The following FHIT variants were observed in gnomAD, a reference collection of about 807,000 sequenced individuals.
FHIT encodes bis(5'-adenosyl)-triphosphatase.
In FHIT, 19 loss-of-function variants were observed where a neutral mutation model predicts 17.9. The ratio of observed to expected loss-of-function variants is 1.06; its 90% CI spans 0.74 to 1.56. The LOEUF is 1.56. Ranked by LOEUF, FHIT falls within the 40% of genes most tolerant of loss-of-function variation. The pLI is 0.00. For missense variants in FHIT, 248 were observed against 189.2 expected (o/e 1.31, Z -1.82); for synonymous variants, 81 against 69.7 (o/e 1.16, Z -0.81).
chr3:59,763,995 A>C (rs1701664781), intron 8 of FHIT, among the ~76,000 whole-genome samples: 1 of 152,200 alleles, frequency 6.6e-6, no homozygotes, highest in Admixed American at 6.5e-5. Context: ...ACTATTAAAC[A>C]GGCAAAGCTG....
At chr3:60,196,833 A>C (rs1205938308) in intron 5 of FHIT, among the ~76,000 whole-genome samples, 1 of 152,030 alleles carries the variant, frequency 6.6e-6, no homozygotes, top group Non-Finnish European at 1.5e-5. Context: ...ATTTGTAAAA[A>C]AAAAAATCAA....
chr3:60,757,547 G>T (rs1699480855), intron 4 of FHIT, among the ~76,000 whole-genome samples: 1 of 152,202 alleles, frequency 6.6e-6, no homozygotes, highest in Non-Finnish European at 1.5e-5. Flanking sequence ...GGGTGCTGCA[G>T]GCAGAGAGAT....
chr3:59,917,554 T>G (rs1705191345), intron 8 of FHIT, among the ~76,000 whole-genome samples: 1 of 152,182 alleles, frequency 6.6e-6, no homozygotes, highest in Non-Finnish European at 1.5e-5. Context: ...AAGGGCCCAT[T>G]GAGTTCAGGG....
At chr3:59,944,382 T>C (rs1575739730) in intron 7 of FHIT, among the ~76,000 whole-genome samples, 1 of 152,184 alleles carries the variant, frequency 6.6e-6, no homozygotes. Context: ...GGGGAGGCAC[T>C]CCTGTTCCTT....
intron 8 of FHIT, among the ~76,000 whole-genome samples, chr3:59,795,501 TTG>T (rs1214538137): frequency 6.6e-6 from 1 of 152,012 alleles, no homozygotes; most frequent in African/African-American, 2.4e-5. Context: ...GTAAGTTTAA[TTG>T]TGTGATAAGG....
intron 5 of FHIT, among the ~76,000 whole-genome samples, chr3:60,179,955 C>G (rs1701851161): frequency 1.3e-5 from 2 of 152,150 alleles, no homozygotes; most frequent in South Asian, 4.1e-4. Flanking sequence ...ATTCTAAATT[C>G]TCTGAGGAAT....
intron 4 of FHIT, among the ~76,000 whole-genome samples, chr3:60,671,985 T>G (rs2040516746): frequency 6.6e-6 from 1 of 152,146 alleles, no homozygotes; most frequent in Non-Finnish European, 1.5e-5. Context: ...TGTTCTTAAT[T>G]GACCCCTTTA....
intron 8 of FHIT, among the ~76,000 whole-genome samples, chr3:59,803,060 T>C (rs1180014080): frequency 6.6e-6 from 1 of 152,160 alleles, no homozygotes; most frequent in Non-Finnish European, 1.5e-5. Context: ...GAATGGTGCA[T>C]ACATACCAGG....
intron 5 of FHIT, among the ~76,000 whole-genome samples, chr3:60,458,253 A>G (rs2032237894): frequency 6.6e-6 from 1 of 152,208 alleles, no homozygotes; most frequent in Non-Finnish European, 1.5e-5. Context: ...CTATGCAGCC[A>G]TAAAAATGAT....
At chr3:60,883,683 C>A (rs1553758587) in intron 3 of FHIT, among the ~76,000 whole-genome samples, 1 of 152,022 alleles carries the variant, frequency 6.6e-6, no homozygotes, top group African/African-American at 2.4e-5. Context: ...GAAACTAGAC[C>A]TCTGTCTCTC....
chr3:61,248,944 T>C (rs2040548815), intron 1 of FHIT, among the ~76,000 whole-genome samples: 1 of 152,234 alleles, frequency 6.6e-6, no homozygotes, highest in South Asian at 2.1e-4. Flanking sequence ...ATTTATAAGG[T>C]CCTTCCAGTC....
At chr3:60,470,802 A>G (rs188564713) in intron 5 of FHIT, among the ~76,000 whole-genome samples, 2 of 152,170 alleles carry the variant, frequency 1.3e-5, no homozygotes, top group African/African-American at 4.8e-5. Context: ...TAGCCACCAC[A>G]GCTGGGAATG....
At chr3:59,900,027 C>A (rs769352207) in intron 8 of FHIT, among the ~76,000 whole-genome samples, 1 of 152,162 alleles carries the variant, frequency 6.6e-6, no homozygotes, top group Admixed American at 6.5e-5. Flanking sequence ...TAGGCCAGGG[C>A]CCACAGGTAT....
intron 4 of FHIT, among the ~76,000 whole-genome samples, chr3:60,566,444 T>G (rs2037137380): frequency 6.6e-6 from 1 of 152,176 alleles, no homozygotes; most frequent in African/African-American, 2.4e-5. Context: ...AATGAGGTAT[T>G]GATGAGACGT....
chr3:59,858,110 T>C (rs1169701263), intron 8 of FHIT, among the ~76,000 whole-genome samples: 1 of 151,936 alleles, frequency 6.6e-6, no homozygotes, highest in African/African-American at 2.4e-5. Flanking sequence ...AGGGAGTGAG[T>C]AGATGTCAAA....
chr3:60,712,608 A>G (rs1189448421), intron 4 of FHIT, among the ~76,000 whole-genome samples: 2 of 152,168 alleles, frequency 1.3e-5, no homozygotes, highest in South Asian at 2.1e-4. Flanking sequence ...GAAAACAAAA[A>G]AAGGCAAGGG....
chr3:60,391,105 T>C (rs111651581), intron 5 of FHIT, among the ~76,000 whole-genome samples: 25 of 152,040 alleles, frequency 1.6e-4, no homozygotes, highest in African/African-American at 5.3e-4. Context: ...CGAGAATTGC[T>C]TGAACCCAGG....
At chr3:61,177,281 C>G (rs1266036252) in intron 2 of FHIT, among the ~76,000 whole-genome samples, 3 of 151,882 alleles carry the variant, frequency 2.0e-5, no homozygotes, top group Admixed American at 6.6e-5. Flanking sequence ...ATCTTTTCCT[C>G]TTTTTCTTAA....
At chr3:60,614,939 C>G (rs1282195501) in intron 4 of FHIT, among the ~76,000 whole-genome samples, 1 of 148,062 alleles carries the variant, frequency 6.8e-6, no homozygotes, top group Non-Finnish European at 1.5e-5. Context: ...AAGCAATTCT[C>G]CTGCCTCAGT....
Sources: gnomAD v4.1 joint callset for allele counts (sites outside exome capture counted in the v4.1 genomes callset) on GRCh38, gnomAD v4.1.1 for gene constraint, MANE v1.5 for transcripts, NCBI Gene and HGNC (gene_info 2026-07-23, HGNC 2026-07-21) for gene names.